The following PRDM7 variants were observed in gnomAD, a reference collection of about 807,000 sequenced individuals.
PRDM7 encodes the protein histone-lysine N-methyltransferase PRDM7.
Under a neutral mutation model 64.3 loss-of-function variants are expected in PRDM7, and 52 were observed. The observed-to-expected ratio is 0.81, with a 90% CI of 0.65 to 1.02. PRDM7 has a LOEUF of 1.02. Ranked by LOEUF, PRDM7 falls within the 50% of genes least tolerant of loss-of-function variation. PRDM7 has a pLI of 0.00. For synonymous variants in PRDM7, 192 were observed against 210.1 expected (o/e 0.91, Z 0.74); for missense variants, 574 against 597.1 (o/e 0.96, Z 0.40).
In PRDM7 at chr16:90,071,406, G is replaced by A. The variant is rs112657219; in HGVS notation, c.301+3510C>T. On this transcript the variant is annotated intron_variant, in intron 4 of 10. Transcript: ENST00000449207. ...GGCCTACCAAAGTGCTGGGATTACAGGCGTGAGCCACTGTGCCTGGCCCAG... is the reference window on the plus strand; with the variant it reads ...GGCCTACCAAAGTGCTGGGATTACAAGCGTGAGCCACTGTGCCTGGCCCAG... Among the ~76,000 whole-genome samples the A allele has an allele frequency of 9.0e-3, 1,377 of 152,334 alleles. 20 individuals carry two copies. Among genetic ancestry groups the A allele is most frequent in the African/African-American group, 0.031 (1,288 of 41,582 alleles).
In PRDM7 at chr16:90,060,383, T is replaced by G. The variant is rs1475034793; in HGVS notation, c.1191A>C (p.Ser397=). Residue 397 remains serine (S), a synonymous_variant, in exon 10 of 11, where the codon TCA becomes TCC. Transcript: ENST00000449207. The stretch of plus-strand genomic sequence containing the variant: ...TCTTTCTTCCACTTGCTGCCCCACT[T>G]GATGCCCAGTTCCTGGCCATACTCA... ...MGMSMARNWA[S]SGAASGRKSS... 1 of 1,613,920 alleles carries G rather than the reference T, an allele frequency of 6.2e-7. No individual in the cohort carries two copies. Among genetic ancestry groups the G allele is most frequent in the South Asian group, 1.1e-5 (1 of 91,066 alleles).
chr16:90,065,742 C>T (rs2037864219), intron 5 of PRDM7, among the ~76,000 whole-genome samples: 1 of 151,326 alleles, frequency 6.6e-6, no homozygotes, highest in Non-Finnish European at 1.5e-5. Context: ...CTCAAACTAC[C>T]CCCTGCCCCT....
In PRDM7 at chr16:90,075,476, T is replaced by A. The variant is rs768010736; in HGVS notation, c.70-2A>T. The stretch of plus-strand genomic sequence containing the variant: ...AATGTCTTTGAAGGCATCTTTGACC[T>A]AGAGGAAGTAACAGATTCCATCAGT... On this transcript the variant is annotated splice_acceptor_variant, in intron 2 of 10. Coordinates refer to ENST00000449207, the MANE Select transcript of PRDM7 (RefSeq NM_001098173.2). LOFTEE classifies it high-confidence loss of function. This position sits in a 1 kb window ranked among gnomAD's most constrained non-coding sequence, Gnocchi z 4.3. The A allele has an allele frequency of 6.2e-7, 1 of 1,614,200 alleles. No individual in the cohort carries two copies. The highest frequency in any genetic ancestry group is 1.1e-5 in the South Asian group (1 of 91,086).
In PRDM7 at chr16:90,062,595, A is replaced by C. The variant is rs2037801791; in HGVS notation, c.509-93T>G. 5.4e-6 allele frequency: 6 copies of C among 1,109,502 alleles called. No individual in the cohort carries two copies. The East Asian group carries it at 1.4e-4, about 26-fold the overall frequency. The allele number at this position is 1,109,502 out of a possible 1,614,324, so 68.7% of individuals were successfully genotyped here. A position where few individuals can be genotyped will look rare whatever the true frequency, so the allele number is the denominator to read the frequency against. On this transcript the variant is annotated intron_variant, in intron 6 of 10. Transcript: ENST00000449207. ...ATGTGAAATCTCCTACCATCAAATTAGCATCTACCTTTCTACATACTCTAG... is the reference window on the plus strand; with the variant it reads ...ATGTGAAATCTCCTACCATCAAATTCGCATCTACCTTTCTACATACTCTAG...
rs2037714203 is a variant in PRDM7 at position 90,058,335 on chromosome 16, A to AT, written c.1432dup (p.Met478AsnfsTer210). The AT allele has an allele frequency of 6.2e-7, 1 of 1,614,164 alleles. No individual in the cohort carries two copies. On this transcript the variant is annotated frameshift_variant, in exon 11 of 11. Transcript: ENST00000449207. LOFTEE classifies it high-confidence loss of function. Reference sequence around the variant, plus strand: ...TGATCTCTTGACCTTTGGTTTTGTCATTACAGCAGCGTGGATCAGAATATT... The same window carrying AT: ...TGATCTCTTGACCTTTGGTTTTGTCATTTACAGCAGCGTGGATCAGAATATT...
Position 90,058,327 on chromosome 16 carries a change from G to A in PRDM7, c.1441C>T (p.Pro481Ser), listed in dbSNP as rs1400311755. Reference sequence around the variant, plus strand: ...CCTTTCTTTGATCTCTTGACCTTTGGTTTTGTCATTACAGCAGCGTGGATC... The same window carrying A: ...CCTTTCTTTGATCTCTTGACCTTTGATTTTGTCATTACAGCAGCGTGGATC... Reference protein sequence around the residue: ...ILIHAAVMTKPKVKRSKKGPN... With the variant: ...ILIHAAVMTKSKVKRSKKGPN... The change falls in exon 11 of 11, where the codon CCA becomes TCA. Residue 481 changes from proline (P) to serine (S), a missense_variant. Pro to Ser is a moderately conservative substitution (Grantham distance 74). Coordinates refer to ENST00000449207, the MANE Select transcript of PRDM7 (RefSeq NM_001098173.2). 1.2e-6 allele frequency: 2 copies of A among 1,614,108 alleles called. No homozygotes were observed. Among genetic ancestry groups the A allele is most frequent in the South Asian group, 2.2e-5 (2 of 91,084 alleles).
chr16:90,074,384 C>G (rs964690948), intron 4 of PRDM7, among the ~76,000 whole-genome samples: 5 of 151,962 alleles, frequency 3.3e-5, no homozygotes, highest in African/African-American at 1.2e-4. Context: ...CGAGACCAGC[C>G]TGGCCAACAT....
At chr16:90,064,402 G>GTTTTT (rs1555656506) in intron 5 of PRDM7, among the ~76,000 whole-genome samples, 4 of 98,608 alleles carry the variant, frequency 4.1e-5, no homozygotes, top group African/African-American at 1.5e-4. Context: ...GGCATACATG[G>GTTTTT]TTTTGTTTTG....
At position 90,070,476 on chromosome 16, in the gene PRDM7, TG is replaced by T. The variant is rs1276949187; in HGVS notation, c.302-3567del. Among the ~76,000 whole-genome samples the T allele has an allele frequency of 2.0e-5, 3 of 150,908 alleles. No individual in the cohort carries two copies. In the East Asian group the frequency reaches 5.8e-4, roughly 29 times the overall value. On this transcript the variant is annotated intron_variant, in intron 4 of 10. Coordinates refer to ENST00000449207, the MANE Select transcript of PRDM7 (RefSeq NM_001098173.2). ...ATGTGCCCCTGTAGTCCCAGCTATG[TG>T]GGGGGCTGAGGCAGGAGAATTGCTT...
At position 90,060,545 on chromosome 16, in the gene PRDM7, G is replaced by A; in HGVS notation, c.1029C>T (p.Thr343=). The change falls in exon 10 of 11, where the codon ACC becomes ACT. Residue 343 remains threonine (T), a synonymous_variant. Transcript: ENST00000449207. Reference sequence around the variant, plus strand: ...CACAGCCTGGCCTAATGACTCGGCAGGTTCTATAGAAGATCTGCCTGTGGT... The same window carrying A: ...CACAGCCTGGCCTAATGACTCGGCAAGTTCTATAGAAGATCTGCCTGTGGT... ...FQYHRQIFYR[T]CRVIRPGCEL... 1 of 1,614,076 alleles carries A rather than the reference G, an allele frequency of 6.2e-7. No homozygotes were observed. The highest frequency in any genetic ancestry group is 1.3e-5 in the African/African-American group (1 of 75,022).
chr16:90,062,492 C>T lies in PRDM7; in HGVS notation c.519G>A (p.Arg173=), dbSNP rs1350372110. 1.9e-6 allele frequency: 3 copies of T among 1,613,672 alleles called. No homozygotes were observed. The highest frequency in any genetic ancestry group is 2.2e-5 in the East Asian group (1 of 44,896). ...TATACATCTTTCCTTCAGTCTCCTTCCTCCTGAGTTCTAGGTTGGAGAAGA... is the reference window on the plus strand; with the variant it reads ...TATACATCTTTCCTTCAGTCTCCTTTCTCCTGAGTTCTAGGTTGGAGAAGA... ...QHSRLKLELR[R]KETEGKMYSL... is the part of the protein sequence containing the mutation. The change falls in exon 7 of 11, where the codon AGG becomes AGA. Residue 173 remains arginine, a synonymous_variant. Coordinates refer to ENST00000449207, the MANE Select transcript of PRDM7 (RefSeq NM_001098173.2).
chr16:90,064,775 G>A (rs976568996), intron 5 of PRDM7, among the ~76,000 whole-genome samples: 2 of 150,310 alleles, frequency 1.3e-5, no homozygotes, highest in African/African-American at 5.0e-5. Context: ...CTGGAGTGCA[G>A]TGGCACGATC....
intron 5 of PRDM7, among the ~76,000 whole-genome samples, chr16:90,065,666 T>C (rs928026827): frequency 2.6e-5 from 4 of 151,086 alleles, no homozygotes; most frequent in Non-Finnish European, 5.9e-5. Context: ...ACCTAGGAGA[T>C]GGAGGCTGCA....
At chr16:90,059,162 G>T (rs2037728214) in intron 10 of PRDM7, among the ~76,000 whole-genome samples, 1 of 152,202 alleles carries the variant, frequency 6.6e-6, no homozygotes, top group African/African-American at 2.4e-5. Context: ...ATCAGGAAGT[G>T]TGATTCAGGT....
rs764379874 is a variant in PRDM7 at position 90,058,521 on chromosome 16, C to T, written c.1247G>A (p.Arg416Lys). 5 of 1,614,046 alleles carry T rather than the reference C, an allele frequency of 3.1e-6. No homozygotes were observed. The African/African-American group carries it at 6.7e-5, about 22-fold the overall frequency. ...GACAGCATGAGGGACATGGATGGAT[C>T]TCTGGCTTTGGTTCTGAAAGAGGAA... ...SSWQGENQSQ[R>K]SIHVPHAVWP... Residue 416 changes from arginine (R) to lysine (K), a missense_variant, in exon 11 of 11, where the codon AGA becomes AAA. Transcript: ENST00000449207.
Position 90,062,100 on chromosome 16 carries a change from G to T in PRDM7, c.703C>A (p.Pro235Thr), listed in dbSNP as rs1370691411. 6.2e-7 allele frequency: 1 copy of T among 1,614,266 alleles called. No homozygotes were observed. Among genetic ancestry groups the T allele is most frequent in the Non-Finnish European group, 8.5e-7 (1 of 1,180,048 alleles). ...VKDSAVDKGH[P>T]NRSALSLPPG... ...GGCAGACTGAGGGCTGAACGGTTGG[G>T]ATGCCCCTTGTCCACTGCACTGTCC... Residue 235 changes from proline (P) to threonine (T), a missense_variant, in exon 8 of 11, where the codon CCC becomes ACC. Pro to Thr is a conservative substitution (Grantham distance 38). Transcript: ENST00000449207.
chr16:90,075,969 G>A lies in PRDM7; in HGVS notation c.-59C>T. On this transcript the variant is annotated 5_prime_UTR_variant, in exon 2 of 11. Coordinates refer to ENST00000449207, the MANE Select transcript of PRDM7 (RefSeq NM_001098173.2). The surrounding 1 kb of genome is among the most constrained non-coding windows in gnomAD (Gnocchi z 4.3). ...TTCTGAGTGTGGGAAGGGCCCCTGA[G>A]TCTCCCAGCTCCTAGGCCAAAGGCT... 3.8e-6 allele frequency: 6 copies of A among 1,568,358 alleles called. No homozygotes were observed. Among genetic ancestry groups the A allele is most frequent in the Non-Finnish European group, 5.2e-6 (6 of 1,148,830 alleles).
Position 90,057,964 on chromosome 16 carries a change from C to T in PRDM7, c.*325G>A, listed in dbSNP as rs1046780468. 3.1e-6 allele frequency: 5 copies of T among 1,602,666 alleles called. No homozygotes were observed. The African/African-American group carries it at 5.4e-5, about 17-fold the overall frequency. ...CATAAGGCTTCTCCCCTGTGTGTGTCCTCTGGTGACTGAGGAGGTCTGACT... is the reference window on the plus strand; with the variant it reads ...CATAAGGCTTCTCCCCTGTGTGTGTTCTCTGGTGACTGAGGAGGTCTGACT... On this transcript the variant is annotated 3_prime_UTR_variant, in exon 11 of 11. Coordinates refer to ENST00000449207, the MANE Select transcript of PRDM7 (RefSeq NM_001098173.2).
chr16:90,060,284 T>A (rs2037749553), intron 10 of PRDM7, 57 bp downstream of exon 10: 1 of 1,612,914 alleles, frequency 6.2e-7, no homozygotes, highest in African/African-American at 1.3e-5. Flanking sequence ...ATCATGAAAA[T>A]TCTCTAGGAT....
Sources: gnomAD v4.1 joint callset for allele counts (sites outside exome capture counted in the v4.1 genomes callset) on GRCh38, gnomAD v4.1.1 for gene constraint, Gnocchi (gnomAD v3.1) non-coding constraint, MANE v1.5 for transcripts, NCBI Gene and HGNC (gene_info 2026-07-23, HGNC 2026-07-21) for gene names.